MTMR9: variants seen among roughly 807,000 people sequenced by gnomAD.
MTMR9 encodes the protein myotubularin related protein 9, also known as myotubularin-related protein 9.
In MTMR9, 39 loss-of-function variants were observed where a neutral mutation model predicts 69.5. The ratio of observed to expected loss-of-function variants is 0.56; its 90% CI spans 0.43 to 0.73. The LOEUF (loss-of-function observed/expected upper bound fraction) is 0.73. Among genes scored for constraint, MTMR9 ranks in the 30% least tolerant of loss-of-function variants. MTMR9 has a pLI of 0.00. For synonymous variants in MTMR9, 354 were observed against 240.8 expected (o/e 1.47, Z -4.35); for missense variants, 900 against 671.2 (o/e 1.34, Z -3.77).
chr8:11,338,441 G>T, the MTMR9 span, among the ~76,000 whole-genome samples: 4 of 152,320 alleles, frequency 2.6e-5, no homozygotes, highest in East Asian at 7.7e-4. Context: ...ATTGAACCGG[G>T]CTCCATAGTG....
In MTMR9 at chr8:11,316,785, G is replaced by A. The variant is rs759119470; in HGVS notation, c.1226G>A (p.Arg409His). The A allele has an allele frequency of 1.1e-4, 181 of 1,613,774 alleles. No individual in the cohort carries two copies. In the East Asian group the frequency reaches 3.7e-3, roughly 33 times the overall value. Reference sequence around the variant, plus strand: ...TTGGACTGCGTGTGGCAGATCCTTCGTCAGTTTCCCTGTTCTTTTGAGTTT... The same window carrying A: ...TTGGACTGCGTGTGGCAGATCCTTCATCAGTTTCCCTGTTCTTTTGAGTTT... ...LFLDCVWQIL[R>H]QFPCSFEFNE... is the part of the protein sequence containing the mutation. The change falls in exon 8 of 10, where the codon CGT (arginine) becomes CAT (histidine). Residue 409 changes from arginine to histidine, a missense_variant. Transcript: ENST00000221086.
chr8:11,319,831 G>A lies in MTMR9; in HGVS notation c.1479G>A (p.Leu493=). ...CAGTTGCTCCGCAGAGTCTTCCACT[G>A]TGGGAAGGTAAACCACGCATCCTTT... is the stretch of plus-strand genomic sequence containing the variant. ...WPSVAPQSLP[L]WEGIFLRWNR... The change falls in exon 9 of 10, where the codon CTG becomes CTA. Residue 493 remains leucine, a synonymous_variant. Coordinates refer to ENST00000221086, the MANE Select transcript of MTMR9 (RefSeq NM_015458.4). 1 of 1,614,012 alleles carries A rather than the reference G, an allele frequency of 6.2e-7. No individual in the cohort carries two copies. The highest frequency in any genetic ancestry group is 8.5e-7 in the Non-Finnish European group (1 of 1,179,968).
chr8:11,299,261 C>T (rs1799666024), intron 2 of MTMR9, among the ~76,000 whole-genome samples: 1 of 152,222 alleles, frequency 6.6e-6, no homozygotes, highest in Admixed American at 6.5e-5. Context: ...ACCCGGGAGG[C>T]GGAGGCTGCA....
Position 11,285,012 on chromosome 8 carries a change from C to G in MTMR9, c.124C>G (p.Gln42Glu), listed in dbSNP as rs895069692. 3 of 1,613,286 alleles carry G rather than the reference C, an allele frequency of 1.9e-6. No homozygotes were observed. The highest frequency in any genetic ancestry group is 2.5e-6 in the Non-Finnish European group (3 of 1,179,768). ...CCACCACTTGATCCTGTCCTCCCGGCAGGACAATACGGAGGAGCTGTGGCT... is the reference window on the plus strand; with the variant it reads ...CCACCACTTGATCCTGTCCTCCCGGGAGGACAATACGGAGGAGCTGTGGCT... ...TGHHLILSSR[Q>E]DNTEELWLLH... Residue 42 changes from glutamine (Q) to glutamate (E), a missense_variant, in exon 1 of 10, where the codon CAG (glutamine) becomes GAG (glutamate). By Grantham distance (29) the Gln-to-Glu change is conservative. Transcript: ENST00000221086.
chr8:11,305,126 T>C (rs912213411), intron 4 of MTMR9, 112 bp downstream of exon 4: 20 of 1,056,098 alleles, frequency 1.9e-5, no homozygotes, highest in African/African-American at 3.2e-5. Flanking sequence ...TGTCCAGGTC[T>C]CCACCACAAG....
At chr8:11,296,902 T>C (rs1050335454) in intron 2 of MTMR9, among the ~76,000 whole-genome samples, 1 of 152,120 alleles carries the variant, frequency 6.6e-6, no homozygotes, top group Non-Finnish European at 1.5e-5. Flanking sequence ...ATAAATAATA[T>C]TGAATATTGG....
chr8:11,289,988 G>A (rs1799322267), intron 1 of MTMR9, among the ~76,000 whole-genome samples: 1 of 152,140 alleles, frequency 6.6e-6, no homozygotes, highest in African/African-American at 2.4e-5. Flanking sequence ...ACTGCCCCTA[G>A]GATGGGATGG....
At chr8:11,286,886 T>C (rs1799182907) in intron 1 of MTMR9, among the ~76,000 whole-genome samples, 2 of 152,192 alleles carry the variant, frequency 1.3e-5, no homozygotes, top group South Asian at 4.1e-4. Context: ...CTGTATTCTG[T>C]CATCTGTGTA....
At chr8:11,320,455 G>A (rs1800628447) in intron 9 of MTMR9, 2 of 152,248 alleles carry the variant, frequency 1.3e-5, no homozygotes, top group Non-Finnish European at 1.5e-5. Context: ...CTGGCCAGGT[G>A]TGGTGGCTCA....
chr8:11,316,346 T>C (rs549442262), intron 7 of MTMR9: 4 of 174,636 alleles, frequency 2.3e-5, no homozygotes, highest in Non-Finnish European at 4.8e-5. Flanking sequence ...GCTCCAGGTT[T>C]TGTAGACCTA....
chr8:11,296,269 G>T (rs1799556710), intron 2 of MTMR9, among the ~76,000 whole-genome samples: 1 of 151,928 alleles, frequency 6.6e-6, no homozygotes, highest in Non-Finnish European at 1.5e-5. Flanking sequence ...TATCTTTTAG[G>T]GCTGTTGTAA....
At chr8:11,328,789 T>C (rs1801062036), downstream of MTMR9, among the ~76,000 whole-genome samples, 2 of 152,230 alleles carry the variant, frequency 1.3e-5, no homozygotes, top group South Asian at 4.1e-4. Flanking sequence ...TATCACCTTA[T>C]TTCAGGAAAA....
intron 1 of MTMR9, among the ~76,000 whole-genome samples, chr8:11,287,892 CGTATTATATATAACATAATAT>C (rs1799233156): frequency 8.5e-6 from 1 of 117,578 alleles, no homozygotes; most frequent in African/African-American, 3.3e-5. Context: ...ATATATAATA[CGTATTATATATAACATAATAT>C]GTATTATATA....
rs768749228 is a variant in MTMR9, at chr8:11,306,313, C to T, written c.715C>T (p.Leu239=). The T allele has an allele frequency of 6.2e-7, 1 of 1,614,100 alleles. No individual in the cohort carries two copies. Among genetic ancestry groups the T allele is most frequent in the South Asian group, 1.1e-5 (1 of 91,088 alleles). ...KRGYIIDTRS[L]NVAQQTRAKG... Reference sequence around the variant, plus strand: ...TGGCTACATCATTGACACCCGATCCCTGAACGTGGCTCAGCAAACTAGAGC... The same window carrying T: ...TGGCTACATCATTGACACCCGATCCTTGAACGTGGCTCAGCAAACTAGAGC... Residue 239 remains leucine (L), a synonymous_variant, in exon 5 of 10, where the codon CTG becomes TTG. Transcript: ENST00000221086.
chr8:11,316,087 A>G (rs545613361), intron 7 of MTMR9: 1 of 152,368 alleles, frequency 6.6e-6, no homozygotes, highest in East Asian at 1.9e-4. Flanking sequence ...CTTGCTGTTC[A>G]TTTTGGGAGA....
intron 2 of MTMR9, among the ~76,000 whole-genome samples, chr8:11,297,532 T>G (rs546503877): frequency 2.7e-4 from 35 of 128,524 alleles, no homozygotes; most frequent in South Asian, 2.0e-3. Context: ...GGTTTTGTGG[T>G]TTTTTTTTTT....
downstream of MTMR9, chr8:11,331,838 C>CA: frequency 6.2e-7 from 1 of 1,611,922 alleles, no homozygotes; most frequent in South Asian, 1.1e-5. Flanking sequence ...TGCAGACCCC[C>CA]GTGTTGCCCA....
intron 4 of MTMR9, among the ~76,000 whole-genome samples, chr8:11,305,430 T>G (rs1162383240): frequency 2.0e-5 from 3 of 152,106 alleles, no homozygotes; most frequent in Non-Finnish European, 4.4e-5. Context: ...GTGAAAAGAG[T>G]GATGCTCATG....
downstream of MTMR9, among the ~76,000 whole-genome samples, chr8:11,328,460 G>A (rs1050813703): frequency 2.0e-5 from 3 of 151,756 alleles, no homozygotes; most frequent in African/African-American, 7.3e-5. Context: ...AATCTCCCAA[G>A]AATTAGGAAT....
Sources: gnomAD v4.1 joint callset for allele counts (sites outside exome capture counted in the v4.1 genomes callset) on GRCh38, gnomAD v4.1.1 for gene constraint, MANE v1.5 for transcripts, NCBI Gene and HGNC (gene_info 2026-07-23, HGNC 2026-07-21) for gene names.